Variants in ZNF396 observed in about 807,000 individuals in gnomAD.
ZNF396 encodes zinc finger and SCAN domain-containing protein 14.
In ZNF396, 14 loss-of-function variants were observed where a neutral mutation model predicts 20.5. The observed-to-expected ratio is 0.68, with a 90% confidence interval of 0.45 to 1.07. The LOEUF is 1.07. ZNF396 is among the 50% of genes least tolerant of loss of function. ZNF396 has a pLI of 0.00. For synonymous variants in ZNF396, 119 were observed against 140.6 expected (o/e 0.85, Z 1.08); for missense variants, 347 against 390.1 (o/e 0.89, Z 0.93).
At chr18:35,369,904 A>T (rs1456387282) in intron 3 of ZNF396, among the ~76,000 whole-genome samples, 1 of 152,210 alleles carries the variant, frequency 6.6e-6, no homozygotes, top group African/African-American at 2.4e-5. Context: ...ATAAAAAGAT[A>T]TGTCAGAGAC....
Position 35,374,215 on chromosome 18 carries a change from C to A in ZNF396, c.78G>T (p.Lys26Asn). The change falls in exon 2 of 4, where the codon AAG becomes AAT. Residue 26 changes from lysine to asparagine, a missense_variant. Transcript: ENST00000589332. The surrounding 1 kb of genome is among the most constrained non-coding windows in gnomAD (Gnocchi z 4.3). ...CACAGGTCTGCTCTTCCTCTTCCAT[C>A]TTCTCTGTCAGAATCCCATTACACT... is the stretch of plus-strand genomic sequence containing the variant. ...SEECNGILTE[K>N]MEEEEQTCDP... 1.2e-6 allele frequency: 2 copies of A among 1,614,238 alleles called. No homozygotes were observed. The highest frequency in any genetic ancestry group is 1.7e-6 in the Non-Finnish European group (2 of 1,180,040).
chr18:35,369,174 T>C lies in ZNF396; in HGVS notation c.*41A>G, dbSNP rs1270523360. Reference sequence around the variant, plus strand: ...TTGCATCTGGTGTCTTCCCTTGTGCTGAAATAGCTCTGAGTAAATGCTTTG... The same window carrying C: ...TTGCATCTGGTGTCTTCCCTTGTGCCGAAATAGCTCTGAGTAAATGCTTTG... On this transcript the variant is annotated 3_prime_UTR_variant, in exon 4 of 4. Transcript: ENST00000589332. 2 of 1,486,382 alleles carry C rather than the reference T, an allele frequency of 1.3e-6. No individual in the cohort carries two copies. Among genetic ancestry groups the C allele is most frequent in the Middle Eastern group, 1.8e-4 (1 of 5,560 alleles). The allele number at this position is 1,486,382 out of a possible 1,614,324, so 92.1% of individuals were successfully genotyped here.
intron 3 of ZNF396, among the ~76,000 whole-genome samples, chr18:35,370,565 T>A (rs2045162814): frequency 8.2e-6 from 1 of 121,564 alleles, no homozygotes; most frequent in Non-Finnish European, 1.6e-5. Context: ...CAGGCTGGAG[T>A]GCAGTGGCGG....
intron 1 of ZNF396, among the ~76,000 whole-genome samples, chr18:35,375,667 T>C (rs4799797): frequency 1.3e-4 from 20 of 152,004 alleles, no homozygotes; most frequent in African/African-American, 3.1e-4. Flanking sequence ...GCAACAAAGT[T>C]GGGGGGGGAC....
chr18:35,373,259 T>TTA, intron 3 of ZNF396, 197 bp downstream of exon 3: 1 of 617,766 alleles, frequency 1.6e-6, no homozygotes, highest in Non-Finnish European at 2.5e-6. Context: ...TCTGAAGATT[T>TTA]TATAAGAATC....
At position 35,373,849 on chromosome 18, in the gene ZNF396, G is replaced by T. The variant is rs531579296; in HGVS notation, c.417+27C>A. On this transcript the variant is annotated intron_variant, in intron 2 of 3. Transcript: ENST00000589332. The stretch of plus-strand genomic sequence containing the variant: ...CCAGTGCTCTTGACTCAGCCTGGGG[G>T]TTCATCTCCACAGGCATCCTTCTTA... 5 of 1,588,934 alleles carry T rather than the reference G, an allele frequency of 3.1e-6. No homozygotes were observed. The South Asian group carries it at 5.7e-5, about 18-fold the overall frequency.
rs1290275646 is a variant in ZNF396, at chr18:35,366,697, C to T, written c.*2518G>A. On this transcript the variant is annotated 3_prime_UTR_variant, in exon 4 of 4. Transcript: ENST00000589332. ...GAAAGCCAGAAAACAATACCAATTT[C>T]ATTTTGGAGTATTTACTATCCCTGA... The T allele has an allele frequency of 3.9e-5, 6 of 152,158 alleles. No homozygotes were observed. Among genetic ancestry groups the T allele is most frequent in the Non-Finnish European group, 8.8e-5 (6 of 68,034 alleles). 9.4% of individuals were successfully genotyped at this position (152,158 alleles called of 1,614,324 possible).
At chr18:35,377,011 G>A (rs892777766) in intron 1 of ZNF396, among the ~76,000 whole-genome samples, 2 of 152,134 alleles carry the variant, frequency 1.3e-5, no homozygotes, top group Non-Finnish European at 2.9e-5. Flanking sequence ...CCGCCGGGGC[G>A]AAGCGGCAGG....
rs2045220107 is a variant in ZNF396 at position 35,373,912 on chromosome 18, C to T, written c.381G>A (p.Leu127=). Residue 127 remains leucine, a synonymous_variant, in exon 2 of 4, where the codon CTG becomes CTA. Transcript: ENST00000589332. ...CATCAAGCTCTCTCTCCACATCCTC[C>T]AGCATAGTCACAGTTTCCTCTCCAT... ...PENGEETVTM[L]EDVERELDGP... is the part of the protein sequence containing the mutation. The T allele has an allele frequency of 6.2e-7, 1 of 1,614,128 alleles. No individual in the cohort carries two copies. The highest frequency in any genetic ancestry group is 8.5e-7 in the Non-Finnish European group (1 of 1,179,988).
chr18:35,374,503 T>A lies in ZNF396; in HGVS notation c.-72-139A>T. 2.3e-6 allele frequency: 1 copy of A among 432,344 alleles called. No homozygotes were observed. Among genetic ancestry groups the A allele is most frequent in the Non-Finnish European group, 4.1e-6 (1 of 241,608 alleles). The allele number at this position is 432,344 out of a possible 1,614,324, so 26.8% of individuals were successfully genotyped here. ...TAACAGAAACCATGCTTTTATTTAT[T>A]TATTTATTTTTGAGATGGAGTCTTG... On this transcript the variant is annotated intron_variant, in intron 1 of 3. Transcript: ENST00000589332. The surrounding 1 kb of genome is among the most constrained non-coding windows in gnomAD (Gnocchi z 4.3).
At chr18:35,371,972 G>A (rs558600268) in intron 3 of ZNF396, 1 of 152,230 alleles carries the variant, frequency 6.6e-6, no homozygotes, top group East Asian at 1.9e-4. Context: ...TTACAGTACT[G>A]AGACCAAGAT....
In ZNF396 at chr18:35,374,727, C is replaced by G. The variant is rs2045234528; in HGVS notation, c.-72-363G>C. Reference sequence around the variant, plus strand: ...GGCCAGGCTAGTCTCGAACTCCTGACCTCAGGTGATCCACCCGCCTTGGCC... The same window carrying G: ...GGCCAGGCTAGTCTCGAACTCCTGAGCTCAGGTGATCCACCCGCCTTGGCC... On this transcript the variant is annotated intron_variant, in intron 1 of 3. Coordinates refer to ENST00000589332, the MANE Select transcript of ZNF396 (RefSeq NM_001322286.2). This position sits in a 1 kb window ranked among gnomAD's most constrained non-coding sequence, Gnocchi z 4.3. 6.3e-6 allele frequency: 1 copy of G among 159,892 alleles called. No homozygotes were observed. The highest frequency in any genetic ancestry group is 1.4e-5 in the Non-Finnish European group (1 of 71,986). 9.9% of individuals were successfully genotyped at this position (159,892 alleles called of 1,614,324 possible). A position where few individuals can be genotyped will look rare whatever the true frequency, so the allele number is the denominator to read the frequency against.
intron 1 of ZNF396, among the ~76,000 whole-genome samples, chr18:35,375,392 A>C (rs1192618501): frequency 6.6e-6 from 1 of 152,032 alleles, no homozygotes; most frequent in Admixed American, 6.6e-5. Flanking sequence ...TAACTATTTT[A>C]AAATACTTAG....
Position 35,368,492 on chromosome 18 carries a change from T to TTATTTATTTATC in ZNF396, c.*722_*723insGATAAATAAATA. The TTATTTATTTATC allele has an allele frequency of 1.4e-6, 1 of 704,868 alleles. No individual in the cohort carries two copies. Among genetic ancestry groups the TTATTTATTTATC allele is most frequent in the Non-Finnish European group, 1.9e-6 (1 of 528,772 alleles). 43.7% of individuals were successfully genotyped at this position (704,868 alleles called of 1,614,324 possible). On this transcript the variant is annotated 3_prime_UTR_variant, in exon 4 of 4. Transcript: ENST00000589332. ...GGAATTTATTTTTATTTTTATTTAT[T>TTATTTATTTATC]TATTTATTTATTTATTTATTTATTT...
chr18:35,369,668 G>T lies in ZNF396; in HGVS notation c.563-8C>A. The T allele has an allele frequency of 1.3e-6, 2 of 1,578,436 alleles. No individual in the cohort carries two copies. Among genetic ancestry groups the T allele is most frequent in the East Asian group, 4.5e-5 (2 of 44,630 alleles). On this transcript the variant is annotated splice_polypyrimidine_tract_variant and splice_region_variant and intron_variant, in intron 3 of 3. Coordinates refer to ENST00000589332, the MANE Select transcript of ZNF396 (RefSeq NM_001322286.2). ...TAGTTTTGATGTCTTCATCTGAAAT[G>T]GAAAAACAAATGTCACCAGGAAAGA... is the stretch of plus-strand genomic sequence containing the variant.
At chr18:35,375,669 G>GC (rs1009342288) in intron 1 of ZNF396, among the ~76,000 whole-genome samples, 1 of 152,056 alleles carries the variant, frequency 6.6e-6, no homozygotes, top group Non-Finnish European at 1.5e-5. Flanking sequence ...AACAAAGTTG[G>GC]GGGGGGACGG....
Position 35,369,639 on chromosome 18 carries a change from T to C in ZNF396, c.584A>G (p.Asn195Ser). The change falls in exon 4 of 4, where the codon AAT (asparagine) becomes AGT (serine). Residue 195 changes from asparagine (N) to serine (S), a missense_variant. Coordinates refer to ENST00000589332, the MANE Select transcript of ZNF396 (RefSeq NM_001322286.2). Reference protein sequence around the residue: ...RPHDEDIKTTNVKSASRQKTS... With the variant: ...RPHDEDIKTTSVKSASRQKTS... Reference sequence around the variant, plus strand: ...CTTTTGCCTTGAAGCAGATTTCACATTTGTAGTTTTGATGTCTTCATCTGA... The same window carrying C: ...CTTTTGCCTTGAAGCAGATTTCACACTTGTAGTTTTGATGTCTTCATCTGA... 6.2e-7 allele frequency: 1 copy of C among 1,600,768 alleles called. No homozygotes were observed. Among genetic ancestry groups the C allele is most frequent in the Non-Finnish European group, 8.5e-7 (1 of 1,175,482 alleles).
chr18:35,372,312 G>T (rs1430786490), intron 3 of ZNF396: 1 of 152,174 alleles, frequency 6.6e-6, no homozygotes, highest in Non-Finnish European at 1.5e-5. Context: ...TTCGTGAAAA[G>T]ACTTTCACTT....
chr18:35,369,016 A>G lies in ZNF396; in HGVS notation c.*199T>C. 1 of 1,351,844 alleles carries G rather than the reference A, an allele frequency of 7.4e-7. No homozygotes were observed. The allele number at this position is 1,351,844 out of a possible 1,614,324, so 83.7% of individuals were successfully genotyped here. On this transcript the variant is annotated 3_prime_UTR_variant, in exon 4 of 4. Coordinates refer to ENST00000589332, the MANE Select transcript of ZNF396 (RefSeq NM_001322286.2). ...AAGCTTTGGAATTGCAAACGTCAGAATTGAGACTGCATTGATAAGCAGAAA... is the reference window on the plus strand; with the variant it reads ...AAGCTTTGGAATTGCAAACGTCAGAGTTGAGACTGCATTGATAAGCAGAAA...
Sources: gnomAD v4.1 joint callset for allele counts (sites outside exome capture counted in the v4.1 genomes callset) on GRCh38, gnomAD v4.1.1 for gene constraint, Gnocchi (gnomAD v3.1) non-coding constraint, MANE v1.5 for transcripts, NCBI Gene and HGNC (gene_info 2026-07-23, HGNC 2026-07-21) for gene names.